The following GULP1 variants were observed in gnomAD, a reference collection of about 807,000 sequenced individuals.
GULP1 encodes the protein PTB domain-containing engulfment adapter protein 1.
In GULP1, 19 loss-of-function variants were observed where a neutral mutation model predicts 40.9. That is an observed-to-expected ratio of 0.46 (90% confidence interval 0.32 to 0.68). GULP1 has a LOEUF of 0.68. GULP1 is among the 30% of genes least tolerant of loss of function. GULP1 has a pLI of 0.03. For synonymous variants in GULP1, 119 were observed against 117.6 expected, an observed-to-expected ratio of 1.01 and a Z score of -0.08; for missense variants, 312 against 362.2, an observed-to-expected ratio of 0.86 and a Z score of 1.12.
intron 4 of GULP1, among the ~76,000 whole-genome samples, chr2:188,502,932 C>A (rs374093916): frequency 6.6e-6 from 1 of 151,830 alleles, no homozygotes; most frequent in Non-Finnish European, 1.5e-5. Flanking sequence ...TCTGTGTGCT[C>A]CAGGAGGGAA....
chr2:188,518,173 T>C (rs999676968), intron 4 of GULP1, among the ~76,000 whole-genome samples: 1 of 152,124 alleles, frequency 6.6e-6, no homozygotes, highest in Non-Finnish European at 1.5e-5. Flanking sequence ...TTAGGCCAGT[T>C]TCTCCCAGAA....
chr2:188,588,440 G>T (rs113543217), intron 11 of GULP1: 1 of 161,150 alleles, frequency 6.2e-6, no homozygotes. Context: ...AACTTATTTA[G>T]GAATGTAGTT....
chr2:188,429,104 A>G (rs1188616918), intron 2 of GULP1, among the ~76,000 whole-genome samples: 1 of 152,154 alleles, frequency 6.6e-6, no homozygotes, highest in African/African-American at 2.4e-5. Flanking sequence ...GCCTGGTACT[A>G]TATCACATGA....
At chr2:188,449,651 G>A (rs1166524931) in intron 2 of GULP1, among the ~76,000 whole-genome samples, 3 of 152,168 alleles carry the variant, frequency 2.0e-5, no homozygotes, top group Non-Finnish European at 4.4e-5. Flanking sequence ...TCTACTGTAC[G>A]CTTTTCAAAT....
intron 4 of GULP1, among the ~76,000 whole-genome samples, chr2:188,492,988 G>T (rs2062551221): frequency 6.6e-6 from 1 of 152,018 alleles, no homozygotes; most frequent in African/African-American, 2.4e-5. Context: ...AGTCTTACTT[G>T]CCAGGATTTG....
chr2:188,322,966 A>T (rs1002136099), intron 1 of GULP1, among the ~76,000 whole-genome samples: 2 of 151,988 alleles, frequency 1.3e-5, no homozygotes, highest in African/African-American at 2.4e-5. Flanking sequence ...TATTTGCTCT[A>T]CCATCTGCAC....
intron 2 of GULP1, among the ~76,000 whole-genome samples, chr2:188,465,544 C>A (rs896988335): frequency 6.6e-6 from 1 of 152,128 alleles, no homozygotes; most frequent in Non-Finnish European, 1.5e-5. Flanking sequence ...GACCCCCTCT[C>A]TCCCTCAGCC....
At chr2:188,567,304 T>C (rs1451609986) in intron 7 of GULP1, among the ~76,000 whole-genome samples, 1 of 152,186 alleles carries the variant, frequency 6.6e-6, no homozygotes, top group African/African-American at 2.4e-5. Context: ...GGAATACAAA[T>C]CATGCTACTA....
At chr2:188,335,273 C>A (rs764955489) in intron 1 of GULP1, among the ~76,000 whole-genome samples, 2 of 152,052 alleles carry the variant, frequency 1.3e-5, no homozygotes, top group Non-Finnish European at 2.9e-5. Flanking sequence ...GGGGAAGAGA[C>A]TTTTTTGATT....
intron 2 of GULP1, among the ~76,000 whole-genome samples, chr2:188,385,477 G>A (rs2152517902): frequency 6.6e-6 from 1 of 152,226 alleles, no homozygotes; most frequent in East Asian, 1.9e-4. Context: ...GGCATGCCCT[G>A]GAGACATTTT....
intron 1 of GULP1, among the ~76,000 whole-genome samples, chr2:188,370,738 A>G (rs1194482073): frequency 6.6e-6 from 1 of 152,220 alleles, no homozygotes; most frequent in African/African-American, 2.4e-5. Context: ...TCCTTGAGCT[A>G]ACACTCAAGA....
chr2:188,410,826 G>A (rs2053773537), intron 2 of GULP1, among the ~76,000 whole-genome samples: 1 of 152,144 alleles, frequency 6.6e-6, no homozygotes, highest in Non-Finnish European at 1.5e-5. Context: ...TAAGAAATAG[G>A]CACAGACCTT....
intron 2 of GULP1, among the ~76,000 whole-genome samples, chr2:188,435,715 C>T (rs772172550): frequency 3.9e-5 from 6 of 152,034 alleles, no homozygotes; most frequent in Non-Finnish European, 8.8e-5. Context: ...TCAGAGATCC[C>T]TCAGGTTGTC....
At chr2:188,476,562 T>C (rs1410155845) in intron 2 of GULP1, among the ~76,000 whole-genome samples, 8 of 152,122 alleles carry the variant, frequency 5.3e-5, no homozygotes, top group African/African-American at 1.9e-4. Flanking sequence ...TGTGGTTGAA[T>C]TCTAAAAATG....
chr2:188,380,235 T>G (rs1405221809), intron 1 of GULP1, among the ~76,000 whole-genome samples: 1 of 152,158 alleles, frequency 6.6e-6, no homozygotes, highest in African/African-American at 2.4e-5. Flanking sequence ...ATCACCTTCT[T>G]TGTACCTTTT....
chr2:188,436,615 G>T (rs2057431031), intron 2 of GULP1, among the ~76,000 whole-genome samples: 1 of 151,998 alleles, frequency 6.6e-6, no homozygotes, highest in African/African-American at 2.4e-5. Context: ...AAGGAAAAAA[G>T]AGACATTAAA....
chr2:188,512,976 T>C (rs1264320089), intron 4 of GULP1, among the ~76,000 whole-genome samples: 1 of 152,174 alleles, frequency 6.6e-6, no homozygotes, highest in Non-Finnish European at 1.5e-5. Flanking sequence ...ATAGCAAGTT[T>C]GATAACATTT....
At chr2:188,325,883 T>C (rs1282026700) in intron 1 of GULP1, among the ~76,000 whole-genome samples, 1 of 152,224 alleles carries the variant, frequency 6.6e-6, no homozygotes, top group African/African-American at 2.4e-5. Context: ...CCTTGATTTC[T>C]GAGCCTCTGA....
At chr2:188,486,581 A>T (rs1356192409) in intron 4 of GULP1, among the ~76,000 whole-genome samples, 1 of 151,986 alleles carries the variant, frequency 6.6e-6, no homozygotes, top group East Asian at 1.9e-4. Context: ...TTATTTTATA[A>T]TTCTTTTTTA....
Sources: gnomAD v4.1 joint callset for allele counts (sites outside exome capture counted in the v4.1 genomes callset) on GRCh38, gnomAD v4.1.1 for gene constraint, MANE v1.5 for transcripts, NCBI Gene and HGNC (gene_info 2026-07-23, HGNC 2026-07-21) for gene names.